The following NEGR1 variants were observed in gnomAD, a reference collection of about 807,000 sequenced individuals.
The protein encoded by NEGR1 is neuronal growth regulator 1.
Under a neutral mutation model 40.9 loss-of-function variants are expected in NEGR1, and 10 were observed. That is an observed-to-expected ratio of 0.24 (90% CI 0.15 to 0.42). NEGR1 has a LOEUF of 0.42. Among genes scored for constraint, NEGR1 ranks in the 10% least tolerant of loss-of-function variants. The probability of loss-of-function intolerance (pLI) is 1.00; values close to 1 mark genes in which losing one functional copy is unlikely to be tolerated. For missense variants in NEGR1, 352 were observed against 438.9 expected (o/e 0.80, Z 1.77); for synonymous variants, 185 against 166.8 (o/e 1.11, Z -0.84).
intron 1 of NEGR1, among the ~76,000 whole-genome samples, chr1:72,240,610 ATC>A (rs1371928210): frequency 1.4e-4 from 22 of 151,910 alleles, no homozygotes; most frequent in African/African-American, 5.3e-4. Context: ...AAGTGGCCCA[ATC>A]AAAGCAAACT....
At chr1:72,016,080 T>G (rs1646707245) in intron 1 of NEGR1, among the ~76,000 whole-genome samples, 1 of 152,188 alleles carries the variant, frequency 6.6e-6, no homozygotes, top group Non-Finnish European at 1.5e-5. Flanking sequence ...ATTTTTGCAT[T>G]TAAACACCCT....
chr1:71,607,018 T>C (rs536501665), intron 5 of NEGR1, among the ~76,000 whole-genome samples: 165 of 152,354 alleles, frequency 1.1e-3, no homozygotes, highest in Non-Finnish European at 2.0e-3. Context: ...TTATAAACAT[T>C]CTCTTACATA....
intron 1 of NEGR1, among the ~76,000 whole-genome samples, chr1:72,267,144 T>G (rs1655673662): frequency 6.6e-6 from 1 of 151,106 alleles, no homozygotes; most frequent in African/African-American, 2.4e-5. Context: ...ACCTATAGGT[T>G]AGGCATTATC....
rs540121215 is a variant in NEGR1 at position 71,581,993 on chromosome 1, T to C, written c.940+10824A>G. Among the ~76,000 whole-genome samples the C allele has an allele frequency of 1.2e-4, 18 of 152,078 alleles. No homozygotes were observed. The South Asian group carries it at 3.5e-3, about 30-fold the overall frequency. On this transcript the variant is annotated intron_variant, in intron 6 of 6. Coordinates refer to ENST00000357731, the MANE Select transcript of NEGR1 (RefSeq NM_173808.3). ...TGCTGGGATTACAGGACCAAGGCAC[T>C]ATGCCTGACCTACACACATCCTTTA...
chr1:72,099,593 T>A (rs570285721), intron 1 of NEGR1, among the ~76,000 whole-genome samples: 1 of 152,154 alleles, frequency 6.6e-6, no homozygotes, highest in South Asian at 2.1e-4. Context: ...CTCGCTCTGG[T>A]CCTGGTAAGT....
chr1:71,954,398 A>T (rs958787400), intron 1 of NEGR1, among the ~76,000 whole-genome samples: 4 of 151,850 alleles, frequency 2.6e-5, no homozygotes, highest in African/African-American at 7.3e-5. Context: ...GTATATTATT[A>T]AAAAAAAGTT....
intron 1 of NEGR1, among the ~76,000 whole-genome samples, chr1:72,090,573 G>C (rs541340623): frequency 6.6e-6 from 1 of 151,856 alleles, no homozygotes; most frequent in Non-Finnish European, 1.5e-5. Context: ...TTTCTCCATT[G>C]CCTTTAATTA....
chr1:72,019,498 T>C (rs1646738817), intron 1 of NEGR1, among the ~76,000 whole-genome samples: 1 of 151,990 alleles, frequency 6.6e-6, no homozygotes, highest in Non-Finnish European at 1.5e-5. Flanking sequence ...TCTTTAAGAG[T>C]AATAAAAGCT....
chr1:72,186,360 C>A (rs1250345125), intron 1 of NEGR1, among the ~76,000 whole-genome samples: 1 of 151,680 alleles, frequency 6.6e-6, no homozygotes. Flanking sequence ...TTCTTCCCTA[C>A]TCAATCTAAG....
chr1:72,067,332 T>C (rs1647300123), intron 1 of NEGR1, among the ~76,000 whole-genome samples: 1 of 152,080 alleles, frequency 6.6e-6, no homozygotes, highest in Non-Finnish European at 1.5e-5. Context: ...CAAACTGGTT[T>C]GTAAAAAGTT....
intron 1 of NEGR1, among the ~76,000 whole-genome samples, chr1:72,163,008 TA>T (rs982354854): frequency 1.3e-4 from 20 of 152,022 alleles, no homozygotes; most frequent in Non-Finnish European, 1.6e-4. Flanking sequence ...TGCTGGTGTT[TA>T]AAAAAATAGA....
At chr1:71,829,460 A>G (rs924057464) in intron 2 of NEGR1, among the ~76,000 whole-genome samples, 1 of 151,846 alleles carries the variant, frequency 6.6e-6, no homozygotes, top group Admixed American at 6.6e-5. Flanking sequence ...GGGGGTTCTG[A>G]TATATAATCA....
At chr1:72,146,182 C>A (rs1396748932) in intron 1 of NEGR1, among the ~76,000 whole-genome samples, 2 of 152,134 alleles carry the variant, frequency 1.3e-5, no homozygotes, top group Admixed American at 1.3e-4. Flanking sequence ...AAGTTAAAAT[C>A]TGAAATGCCC....
At chr1:71,628,661 G>A (rs1384479357) in intron 4 of NEGR1, among the ~76,000 whole-genome samples, 1 of 151,736 alleles carries the variant, frequency 6.6e-6, no homozygotes, top group Non-Finnish European at 1.5e-5. Context: ...GAGAACATGT[G>A]GTGTTAGGTT....
At chr1:72,135,235 G>T (rs1029176705) in intron 1 of NEGR1, among the ~76,000 whole-genome samples, 2 of 149,702 alleles carry the variant, frequency 1.3e-5, no homozygotes, top group African/African-American at 4.9e-5. Flanking sequence ...AATTAGCCAG[G>T]CGTGGTGGCG....
intron 1 of NEGR1, among the ~76,000 whole-genome samples, chr1:71,946,780 A>G (rs1646023478): frequency 6.6e-6 from 1 of 152,174 alleles, no homozygotes; most frequent in South Asian, 2.1e-4. Context: ...TATTAATAGT[A>G]TATGATTGAA....
intron 6 of NEGR1, among the ~76,000 whole-genome samples, chr1:71,523,356 T>C (rs1050997817): frequency 1.3e-5 from 2 of 151,916 alleles, no homozygotes; most frequent in Non-Finnish European, 2.9e-5. Context: ...GGTTGTTGGG[T>C]AAGTTGTTCA....
chr1:71,914,917 A>G (rs1374945269), intron 2 of NEGR1, among the ~76,000 whole-genome samples: 1 of 152,102 alleles, frequency 6.6e-6, no homozygotes, highest in East Asian at 1.9e-4. Context: ...TATTTTAACT[A>G]AGTGGATTTC....
chr1:71,785,779 G>C (rs765491231), intron 2 of NEGR1, among the ~76,000 whole-genome samples: 2 of 152,294 alleles, frequency 1.3e-5, no homozygotes, highest in Non-Finnish European at 2.9e-5. Flanking sequence ...GCTTGCTTTA[G>C]GGTTTTTGAA....
Sources: gnomAD v4.1 joint callset for allele counts (sites outside exome capture counted in the v4.1 genomes callset) on GRCh38, gnomAD v4.1.1 for gene constraint, MANE v1.5 for transcripts, NCBI Gene and HGNC (gene_info 2026-07-23, HGNC 2026-07-21) for gene names.